Variants in TSPAN7 observed in about 807,000 individuals in gnomAD.
TSPAN7 encodes tetraspanin 7, also known as tetraspanin-7.
A neutral mutation model predicts 17.6 loss-of-function variants in TSPAN7; 1 was observed. The observed-to-expected ratio is 0.06, with a 90% CI of 0.02 to 0.27. The LOEUF is 0.27. Ranked by LOEUF, TSPAN7 falls within the 10% of genes least tolerant of loss-of-function variation. TSPAN7 has a pLI of 1.00. For synonymous variants in TSPAN7, 78 were observed against 79.0 expected (o/e 0.99, Z 0.07); for missense variants, 112 against 201.7 (o/e 0.56, Z 2.69).
rs186415031 is a variant in TSPAN7 at position 38,630,590 on chromosome X, A to G, written c.82-35531A>G. ...ATACAAATGGGGACCAAATACGTGT[A>G]ATATGGTAGTTATGTATACATCTCT... On this transcript the variant is annotated intron_variant, in intron 1 of 7. Transcript: ENST00000378482. 5.3e-4 allele frequency among the ~76,000 whole-genome samples: 59 copies of G among 112,143 alleles called. No individual in the cohort carries two copies. In the East Asian group the frequency reaches 0.015, roughly 29 times the overall value.
At chrX:38,625,662 A>C (rs1000932647) in intron 1 of TSPAN7, among the ~76,000 whole-genome samples, 28 of 111,869 alleles carry the variant, frequency 2.5e-4, no homozygotes, top group African/African-American at 9.1e-4. Context: ...CCCAATGGAG[A>C]GGGGAAAATA....
intron 1 of TSPAN7, among the ~76,000 whole-genome samples, chrX:38,640,179 G>A (rs1217042748): frequency 9.0e-6 from 1 of 111,349 alleles, no homozygotes; most frequent in Non-Finnish European, 1.9e-5. Context: ...GAAGGTAATT[G>A]AAATTTAGTT....
intron 1 of TSPAN7, among the ~76,000 whole-genome samples, chrX:38,651,466 C>T (rs192032581): frequency 2.5e-4 from 28 of 111,540 alleles, no homozygotes; most frequent in African/African-American, 7.5e-4. Context: ...CTCCATCCCC[C>T]CAAAAAGAAG....
intron 1 of TSPAN7, among the ~76,000 whole-genome samples, chrX:38,631,719 T>C (rs758460592): frequency 4.5e-5 from 5 of 111,946 alleles, no homozygotes; most frequent in African/African-American, 1.6e-4. Context: ...GATTGGCTCT[T>C]TCAGGATTCA....
intron 1 of TSPAN7, among the ~76,000 whole-genome samples, chrX:38,569,075 C>T (rs1462766560): frequency 1.8e-5 from 2 of 111,293 alleles, no homozygotes; most frequent in Admixed American, 9.6e-5. Context: ...ATATTACAGG[C>T]TTACCTCAAA....
chrX:38,598,698 T>A (rs1336631890), intron 1 of TSPAN7, among the ~76,000 whole-genome samples: 2 of 111,120 alleles, frequency 1.8e-5, no homozygotes, highest in Non-Finnish European at 3.8e-5. Flanking sequence ...ATTTGACTAC[T>A]GTTATAACAA....
chrX:38,600,173 T>C (rs1192992705), intron 1 of TSPAN7, among the ~76,000 whole-genome samples: 1 of 111,616 alleles, frequency 9.0e-6, no homozygotes, highest in African/African-American at 3.3e-5. Context: ...AAGGGTTGCT[T>C]GGATTCTCAA....
chrX:38,566,225 A>C (rs1247780780), intron 1 of TSPAN7: 1 of 468,589 alleles, frequency 2.1e-6, no homozygotes. Flanking sequence ...ATTGTGTTTG[A>C]ATGGATGGGA....
chrX:38,603,237 A>G (rs1428258231), intron 1 of TSPAN7, among the ~76,000 whole-genome samples: 1 of 112,102 alleles, frequency 8.9e-6, no homozygotes, highest in African/African-American at 3.2e-5. Flanking sequence ...AATGCTCACT[A>G]GAATGTCTAT....
At chrX:38,683,696 C>A (rs966032335) in intron 6 of TSPAN7, among the ~76,000 whole-genome samples, 3 of 112,718 alleles carry the variant, frequency 2.7e-5, no homozygotes, top group Non-Finnish European at 5.6e-5. Flanking sequence ...GTGCTGTCAG[C>A]CTCAGGGGTC....
At chrX:38,676,276 C>T (rs73198496) in intron 5 of TSPAN7, among the ~76,000 whole-genome samples, 1,412 of 111,481 alleles carry the variant, frequency 0.013, 10 homozygotes, top group Middle Eastern at 0.023. Flanking sequence ...CAGACAGCAT[C>T]TGCTTCTGCT....
chrX:38,562,929 C>T, intron 1 of TSPAN7: 5 of 922,310 alleles, frequency 5.4e-6, no homozygotes, highest in Non-Finnish European at 6.9e-6. Context: ...CCCTCACCCC[C>T]GCCCCTCACC....
intron 1 of TSPAN7, among the ~76,000 whole-genome samples, chrX:38,608,453 GTTCCACTGCCT>G (rs1245422446): frequency 1.8e-5 from 2 of 110,808 alleles, no homozygotes; most frequent in African/African-American, 6.6e-5. Flanking sequence ...AAAATGTTCA[GTTCCACTGCCT>G]TTGTTTTCTG....
chrX:38,576,017 C>A (rs1569301838), intron 1 of TSPAN7, among the ~76,000 whole-genome samples: 1 of 112,005 alleles, frequency 8.9e-6, no homozygotes, highest in Non-Finnish European at 1.9e-5. Context: ...GGCCAGATAG[C>A]AAATATTTTA....
intron 6 of TSPAN7, among the ~76,000 whole-genome samples, chrX:38,684,815 T>C (rs1265554133): frequency 1.8e-5 from 2 of 111,134 alleles, no homozygotes; most frequent in Non-Finnish European, 3.8e-5. Flanking sequence ...AGTGACTCGC[T>C]TGAAGTTGGG....
At chrX:38,675,624 T>TTA (rs1489776518) in intron 4 of TSPAN7, 81 bp from the exon 5 acceptor site, 6 of 1,144,051 alleles carry the variant, frequency 5.2e-6, no homozygotes, top group Non-Finnish European at 7.1e-6. Flanking sequence ...TGTGTTTCTC[T>TTA]TATAAAAGTC....
At chrX:38,682,184 TTA>T (rs988225911) in intron 6 of TSPAN7, among the ~76,000 whole-genome samples, 1 of 104,559 alleles carries the variant, frequency 9.6e-6, no homozygotes, top group African/African-American at 4.3e-5. Context: ...TCATTTTTTA[TTA>T]TTTTTTTATT....
intron 1 of TSPAN7, among the ~76,000 whole-genome samples, chrX:38,647,903 C>T (rs2069653824): frequency 8.9e-6 from 1 of 111,776 alleles, no homozygotes. Context: ...AAGTCAGATA[C>T]ACAAAATACA....
intron 4 of TSPAN7, among the ~76,000 whole-genome samples, chrX:38,674,725 G>A (rs984714248): frequency 1.8e-5 from 2 of 111,236 alleles, no homozygotes; most frequent in African/African-American, 6.6e-5. Context: ...GGGCAGTGGA[G>A]TGGGCATAGA....
Sources: allele counts gnomAD v4.1 joint callset (sites outside exome capture counted in the v4.1 genomes callset), GRCh38; gene constraint gnomAD v4.1.1; transcripts MANE v1.5; gene names NCBI Gene and HGNC (gene_info 2026-07-23, HGNC 2026-07-21).